The following CEP290 variants were observed in gnomAD, a reference collection of about 807,000 sequenced individuals.
CEP290 encodes the protein centrosomal protein of 290 kDa.
In CEP290, 317 loss-of-function variants were observed where a neutral mutation model predicts 344.9. The observed-to-expected ratio is 0.92, with a 90% CI of 0.84 to 1.01. The LOEUF is 1.01. Among genes scored for constraint, CEP290 ranks in the 50% least tolerant of loss-of-function variants. The pLI is 0.00. For missense variants in CEP290, 2,754 were observed against 2,761.4 expected, an observed-to-expected ratio of 1.00 and a Z score of 0.06; for synonymous variants, 932 against 895.8, an observed-to-expected ratio of 1.04 and a Z score of -0.72.
intron 23 of CEP290, among the ~76,000 whole-genome samples, chr12:88,108,340 CT>C (rs2038439003): frequency 1.3e-5 from 2 of 152,088 alleles, no homozygotes; most frequent in South Asian, 4.1e-4. Flanking sequence ...AAAATAAAAG[CT>C]ATGTAGAAAA....
At chr12:88,057,484 G>A (rs1047413139) in intron 49 of CEP290, among the ~76,000 whole-genome samples, 4 of 152,140 alleles carry the variant, frequency 2.6e-5, no homozygotes, top group Middle Eastern at 3.2e-3. Context: ...CTGGCTCAGA[G>A]CCACTGCTAG....
Position 88,084,969 on chromosome 12 carries a change from T to C in CEP290, c.4438-117A>G, listed in dbSNP as rs371744809. 6.2e-4 allele frequency: 460 copies of C among 741,278 alleles called. 8 individuals are homozygous for C. The East Asian group carries it at 0.012, about 20-fold the overall frequency. The allele number at this position is 741,278 out of a possible 1,614,324, so 45.9% of individuals were successfully genotyped here. On this transcript the variant is annotated intron_variant, in intron 34 of 53. Transcript: ENST00000552810. Reference sequence around the variant, plus strand: ...AATTCACTTTATTTTTCACATCATATGTACAATAGCCATTTGATACTTAAT... The same window carrying C: ...AATTCACTTTATTTTTCACATCATACGTACAATAGCCATTTGATACTTAAT...
chr12:88,070,962 T>C (rs1168556804), intron 43 of CEP290, among the ~76,000 whole-genome samples: 2 of 151,900 alleles, frequency 1.3e-5, no homozygotes, highest in Admixed American at 6.6e-5. Flanking sequence ...ATCTGAAGAG[T>C]ATTGAAAAGG....
chr12:88,115,028 C>T (rs2137793014), intron 19 of CEP290, 70 bp downstream of exon 19: 4 of 765,370 alleles, frequency 5.2e-6, no homozygotes, highest in Non-Finnish European at 6.4e-6. Context: ...TGTGTTAACG[C>T]CCTTTTAGGC....
At chr12:88,062,849 T>G (rs1243966408) in intron 45 of CEP290, 71 bp from the exon 46 acceptor site, 1 of 934,440 alleles carries the variant, frequency 1.1e-6, no homozygotes, top group African/African-American at 1.6e-5. Context: ...GGCAAACAAT[T>G]CATAAGAACC....
rs2033380469 is a variant in CEP290 at position 88,050,382 on chromosome 12, AT to A, written c.7180del (p.Met2394CysfsTer4). 1.3e-6 allele frequency: 2 copies of A among 1,559,154 alleles called. No individual in the cohort carries two copies. Among genetic ancestry groups the A allele is most frequent in the Non-Finnish European group, 1.8e-6 (2 of 1,139,426 alleles). On this transcript the variant is annotated frameshift_variant, in exon 53 of 54. Coordinates refer to ENST00000552810, the MANE Select transcript of CEP290 (RefSeq NM_025114.4). LOFTEE classifies it high-confidence loss of function. ...KIKDLETQLK[M>X]SDLEKQHLKE... Reference sequence around the variant, plus strand: ...CAAATGCTGCTTTTCTAGATCTGACATTTTGAGCTGTGTCTCTAGATCTTTT... The same window carrying A: ...CAAATGCTGCTTTTCTAGATCTGACATTTGAGCTGTGTCTCTAGATCTTTT...
chr12:88,071,394 C>T lies in CEP290; in HGVS notation c.5911G>A (p.Val1971Ile). ...QRKLKTTGMT[V>I]DQVLGIRALE... The stretch of plus-strand genomic sequence containing the variant: ...GCTCGTATTCCCAAAACCTGATCAA[C>T]AGTCATGCCAGTTGTTTTTAGTTTC... The change falls in exon 43 of 54, where the codon GTT becomes ATT. Residue 1971 changes from valine to isoleucine, a missense_variant. Transcript: ENST00000552810. 3 of 1,611,818 alleles carry T rather than the reference C, an allele frequency of 1.9e-6. No homozygotes were observed. The highest frequency in any genetic ancestry group is 4.5e-5 in the East Asian group (2 of 44,788).
intron 49 of CEP290, chr12:88,057,980 C>G (rs1296772295): frequency 6.6e-6 from 1 of 152,170 alleles, no homozygotes; most frequent in Admixed American, 6.6e-5. Flanking sequence ...GATGAGTATG[C>G]CTTTTGAAAT....
Position 88,116,972 on chromosome 12 carries a change from T to TC in CEP290, c.1824+60dup. On this transcript the variant is annotated intron_variant, in intron 18 of 53. Coordinates refer to ENST00000552810, the MANE Select transcript of CEP290 (RefSeq NM_025114.4). ...CTGGGAGACAGAGCGAGACTCCGTC[T>TC]CAAAAAAAAAAAAAAAAAAAAATAT... 17 of 703,610 alleles carry TC rather than the reference T, an allele frequency of 2.4e-5. No individual in the cohort carries two copies. In the Admixed American group the frequency reaches 2.6e-4, roughly 11 times the overall value. The allele number at this position is 703,610 out of a possible 1,614,324, so 43.6% of individuals were successfully genotyped here.
At chr12:88,056,510 G>A (rs1313829174) in intron 49 of CEP290, among the ~76,000 whole-genome samples, 1 of 152,152 alleles carries the variant, frequency 6.6e-6, no homozygotes, top group Non-Finnish European at 1.5e-5. Flanking sequence ...TAGAAACTTA[G>A]ATTAGAAGGG....
intron 19 of CEP290, 71 bp downstream of exon 19, chr12:88,115,027 G>T (rs1053684991): frequency 4.0e-6 from 3 of 750,770 alleles, no homozygotes; most frequent in Non-Finnish European, 6.6e-6. Context: ...ATGTGTTAAC[G>T]CCCTTTTAGG....
At chr12:88,078,583 C>T (rs1286271025) in intron 39 of CEP290, among the ~76,000 whole-genome samples, 3 of 151,974 alleles carry the variant, frequency 2.0e-5, no homozygotes, top group South Asian at 2.1e-4. Context: ...CTGTATAATA[C>T]TATAATGATG....
At chr12:88,052,141 T>C (rs1378419813) in intron 52 of CEP290, among the ~76,000 whole-genome samples, 1 of 152,216 alleles carries the variant, frequency 6.6e-6, no homozygotes, top group Non-Finnish European at 1.5e-5. Flanking sequence ...ATGATGGCTT[T>C]TATTACAAAT....
intron 25 of CEP290, among the ~76,000 whole-genome samples, chr12:88,105,735 C>T (rs2038225250): frequency 6.6e-6 from 1 of 151,868 alleles, no homozygotes; most frequent in Non-Finnish European, 1.5e-5. Flanking sequence ...TCTTCTTCTT[C>T]TTCTTTTTTT....
At position 88,092,817 on chromosome 12, in the gene CEP290, A is replaced by G; in HGVS notation, c.3325T>C (p.Leu1109=). The part of the protein sequence containing the change: ...TKFAELTKIN[L]DAQKVEQMLR... ...ATCTGTTCCACCTTCTGTGCATCCAAATTGATTTTGGTAAGCTAAGGAAAT... is the reference window on the plus strand; with the variant it reads ...ATCTGTTCCACCTTCTGTGCATCCAGATTGATTTTGGTAAGCTAAGGAAAT... The change falls in exon 29 of 54, where the codon TTG becomes CTG. Residue 1109 remains leucine (L), a synonymous_variant. Transcript: ENST00000552810. 1 of 1,608,798 alleles carries G rather than the reference A, an allele frequency of 6.2e-7. No individual in the cohort carries two copies. The highest frequency in any genetic ancestry group is 8.5e-7 in the Non-Finnish European group (1 of 1,178,098).
At chr12:88,050,106 A>C (rs996673299) in intron 53 of CEP290, 39 of 312,368 alleles carry the variant, frequency 1.2e-4, no homozygotes, top group Middle Eastern at 9.2e-4. Flanking sequence ...ACTTAAGAAC[A>C]TACTAATGGC....
Position 88,071,870 on chromosome 12 carries a change from T to A in CEP290, c.5766A>T (p.Ile1922=), listed in dbSNP as rs1027531979. 5.0e-6 allele frequency: 8 copies of A among 1,604,596 alleles called. No homozygotes were observed. Among genetic ancestry groups the A allele is most frequent in the East Asian group, 4.5e-5 (2 of 44,254 alleles). Residue 1922 remains isoleucine (I), a synonymous_variant, in exon 42 of 54, where the codon ATA becomes ATT. Coordinates refer to ENST00000552810, the MANE Select transcript of CEP290 (RefSeq NM_025114.4). ...WEEGKKWQAK[I]EGIRNKLKEK... ...CTTTTAACTTGTTTCGAATTCCTTC[T>A]ATTTTGGCTTGCCACTTTTTACCTT...
At position 88,129,752 on chromosome 12, in the gene CEP290, T is replaced by C. The variant is rs902444632; in HGVS notation, c.794A>G (p.His265Arg). 6.7e-7 allele frequency: 1 copy of C among 1,489,380 alleles called. No homozygotes were observed. The allele number at this position is 1,489,380 out of a possible 1,614,324, so 92.3% of individuals were successfully genotyped here. The change falls in exon 10 of 54, where the codon CAT becomes CGT. Residue 265 changes from histidine to arginine, a missense_variant. Transcript: ENST00000552810. ...DEYNRMKAIV[H>R]QTDNVIDQLK... The stretch of plus-strand genomic sequence containing the variant: ...CTGATCTATTACATTATCTGTCTGA[T>C]GCACAATAGCTTTCATTCTATTATA...
intron 19 of CEP290, 105 bp downstream of exon 19, chr12:88,114,993 G>C: frequency 1.6e-6 from 1 of 632,162 alleles, no homozygotes; most frequent in Non-Finnish European, 2.8e-6. Flanking sequence ...GTAATTAGGA[G>C]TAAAGCAGAT....
Sources: allele counts gnomAD v4.1 joint callset (sites outside exome capture counted in the v4.1 genomes callset), GRCh38; gene constraint gnomAD v4.1.1; transcripts MANE v1.5; gene names NCBI Gene and HGNC (gene_info 2026-07-23, HGNC 2026-07-21).